The following TPRG1 variants were observed in gnomAD, a reference collection of about 807,000 sequenced individuals.
TPRG1 encodes the protein tumor protein p63 regulated 1.
In TPRG1, 29 loss-of-function variants were observed where a neutral mutation model predicts 29.3. The observed-to-expected ratio is 0.99, with a 90% CI of 0.74 to 1.35. The LOEUF (loss-of-function observed/expected upper bound fraction) is 1.35, where lower values mean the gene tolerates loss of function less well. TPRG1 is among the 40% of genes most tolerant of loss of function. The pLI, the probability that TPRG1 is intolerant of heterozygous loss-of-function variation, is 0.00. For synonymous variants in TPRG1, 130 were observed against 116.8 expected (o/e 1.11, Z -0.73); for missense variants, 327 against 335.0 (o/e 0.98, Z 0.19).
At chr3:189,245,422 A>G (rs915029627) in intron 4 of TPRG1, among the ~76,000 whole-genome samples, 11 of 152,076 alleles carry the variant, frequency 7.2e-5, no homozygotes, top group Non-Finnish European at 1.5e-5. Context: ...TATCATTTAG[A>G]GATATTTTTA....
intron 4 of TPRG1, among the ~76,000 whole-genome samples, chr3:189,245,671 T>C (rs1034937681): frequency 1.3e-5 from 2 of 152,174 alleles, no homozygotes; most frequent in Admixed American, 6.5e-5. Flanking sequence ...TTTTTACAAA[T>C]ATCAATTGGG....
At chr3:189,204,561 TC>T (rs1346333313) in intron 1 of TPRG1, among the ~76,000 whole-genome samples, 3 of 152,182 alleles carry the variant, frequency 2.0e-5, no homozygotes, top group African/African-American at 7.2e-5. Flanking sequence ...AGAGTTTCCT[TC>T]TTTCCTGGAT....
intron 4 of TPRG1, among the ~76,000 whole-genome samples, chr3:189,259,333 G>A (rs1158796155): frequency 6.6e-6 from 1 of 151,682 alleles, no homozygotes; most frequent in East Asian, 2.0e-4. Context: ...TGTACCCACT[G>A]TCTAATCAGT....
intron 4 of TPRG1, among the ~76,000 whole-genome samples, chr3:189,082,415 T>C (rs1717653120): frequency 6.6e-6 from 1 of 152,212 alleles, no homozygotes; most frequent in African/African-American, 2.4e-5. Context: ...CTATGCTTTA[T>C]CTAGGAAGAC....
At chr3:189,214,821 G>A (rs1735781712) in intron 2 of TPRG1, among the ~76,000 whole-genome samples, 1 of 152,036 alleles carries the variant, frequency 6.6e-6, no homozygotes, top group Non-Finnish European at 1.5e-5. Context: ...ACCTGTTTGG[G>A]GAAGGAAGCA....
chr3:189,028,149 C>A (rs777882780), intron 4 of TPRG1, among the ~76,000 whole-genome samples: 5 of 152,096 alleles, frequency 3.3e-5, no homozygotes, highest in Non-Finnish European at 7.3e-5. Context: ...CTAGAAGGAG[C>A]CTTTGGTTAT....
intron 1 of TPRG1, among the ~76,000 whole-genome samples, chr3:189,206,808 C>CATGTGTGTGTGTGTGTGT (rs1553922310): frequency 2.0e-5 from 3 of 147,626 alleles, no homozygotes; most frequent in African/African-American, 7.7e-5. Context: ...GCTGAACAAC[C>CATGTGTGTGTGTGTGTGT]GTGTGTGTGT....
chr3:189,124,969 G>A (rs1199404529), intron 1 of TPRG1, among the ~76,000 whole-genome samples: 1 of 152,190 alleles, frequency 6.6e-6, no homozygotes, highest in African/African-American at 2.4e-5. Context: ...ATCTTGCAAT[G>A]AGATCTTAAG....
At chr3:189,092,083 C>CT (rs1324820043) in intron 4 of TPRG1, among the ~76,000 whole-genome samples, 2 of 152,148 alleles carry the variant, frequency 1.3e-5, no homozygotes, top group Non-Finnish European at 2.9e-5. Flanking sequence ...CTAAAGAAGA[C>CT]TAACACAACT....
intron 3 of TPRG1, among the ~76,000 whole-genome samples, chr3:189,143,839 T>G (rs947041928): frequency 6.6e-6 from 1 of 152,170 alleles, no homozygotes; most frequent in Non-Finnish European, 1.5e-5. Flanking sequence ...AGATGCAGGC[T>G]TTTCCAGTAG....
intron 2 of TPRG1, among the ~76,000 whole-genome samples, chr3:189,210,281 G>T (rs1466374939): frequency 1.3e-5 from 2 of 152,020 alleles, no homozygotes; most frequent in African/African-American, 4.8e-5. Context: ...TTTATAAATG[G>T]CATCTCATTG....
chr3:189,079,369 C>T (rs1202519667), intron 4 of TPRG1, among the ~76,000 whole-genome samples: 1 of 152,154 alleles, frequency 6.6e-6, no homozygotes, highest in Non-Finnish European at 1.5e-5. Flanking sequence ...CATCATGAAG[C>T]TTCACTGTTA....
chr3:189,277,522 T>C (rs1560640040), intron 4 of TPRG1, among the ~76,000 whole-genome samples: 1 of 152,250 alleles, frequency 6.6e-6, no homozygotes, highest in African/African-American at 2.4e-5. Context: ...TTTTCATTTT[T>C]GATTCAAGTC....
chr3:189,091,104 A>G (rs1252758914), intron 4 of TPRG1, among the ~76,000 whole-genome samples: 2 of 152,156 alleles, frequency 1.3e-5, no homozygotes, highest in African/African-American at 4.8e-5. Context: ...TAAGGAAATG[A>G]TTACATGTAA....
chr3:189,231,946 TG>T (rs1362896576), intron 3 of TPRG1, among the ~76,000 whole-genome samples: 4 of 78,418 alleles, frequency 5.1e-5, no homozygotes, highest in African/African-American at 2.1e-4. Flanking sequence ...ACCTGGTTTG[TG>T]TGTGTGTGTG....
At chr3:189,095,799 TG>T (rs1718635421), upstream of TPRG1, among the ~76,000 whole-genome samples, 1 of 152,212 alleles carries the variant, frequency 6.6e-6, no homozygotes, top group African/African-American at 2.4e-5. Flanking sequence ...AGCTTATGTC[TG>T]TCTTTCCCTT....
chr3:189,088,968 A>ATATC (rs36139441), intron 4 of TPRG1, among the ~76,000 whole-genome samples: 10,641 of 148,924 alleles, frequency 0.071, 401 homozygotes, highest in East Asian at 0.099. Flanking sequence ...GTATCTATTG[A>ATATC]TATCTATCTA....
chr3:189,074,268 C>T (rs759865396), intron 4 of TPRG1, among the ~76,000 whole-genome samples: 15 of 140,918 alleles, frequency 1.1e-4, no homozygotes, highest in Admixed American at 1.5e-4. Flanking sequence ...TGCAGTGGCG[C>T]GATCTGCGCT....
intron 3 of TPRG1, among the ~76,000 whole-genome samples, chr3:189,220,137 CT>C (rs1262003473): frequency 1.3e-5 from 2 of 151,944 alleles, no homozygotes; most frequent in Non-Finnish European, 1.5e-5. Context: ...TTAATATGTC[CT>C]TTTTTGTGTT....
Sources: gnomAD v4.1 joint callset for allele counts (sites outside exome capture counted in the v4.1 genomes callset) on GRCh38, gnomAD v4.1.1 for gene constraint, MANE v1.5 for transcripts, NCBI Gene and HGNC (gene_info 2026-07-23, HGNC 2026-07-21) for gene names.